The following DLG2 variants were observed in gnomAD, a reference collection of about 807,000 sequenced individuals.
DLG2 encodes discs large MAGUK scaffold protein 2, also known as disks large homolog 2.
A neutral mutation model predicts 132.5 loss-of-function variants in DLG2; 45 were observed. The observed-to-expected ratio is 0.34, with a 90% CI of 0.27 to 0.44. The LOEUF (loss-of-function observed/expected upper bound fraction) is 0.44. Ranked by LOEUF, DLG2 falls within the 20% of genes least tolerant of loss-of-function variation. DLG2 has a pLI of 1.00. For synonymous variants in DLG2, 424 were observed against 419.6 expected (o/e 1.01, Z -0.13); for missense variants, 1,045 against 1,196.9 (o/e 0.87, Z 1.87).
chr11:83,548,606 G>A (rs1361074350), intron 19 of DLG2, among the ~76,000 whole-genome samples: 1 of 152,118 alleles, frequency 6.6e-6, no homozygotes, highest in African/African-American at 2.4e-5. Flanking sequence ...TTATTGGCCA[G>A]GTTGTGTGCA....
intron 6 of DLG2, among the ~76,000 whole-genome samples, chr11:84,998,990 T>TA (rs2057959502): frequency 6.6e-6 from 1 of 150,454 alleles, no homozygotes; most frequent in Non-Finnish European, 1.5e-5. Flanking sequence ...TATATATATA[T>TA]TTTATTTCTA....
chr11:84,701,527 G>A (rs944769355), intron 6 of DLG2, among the ~76,000 whole-genome samples: 1 of 151,516 alleles, frequency 6.6e-6, no homozygotes, highest in Non-Finnish European at 1.5e-5. Flanking sequence ...TACTTCTTGT[G>A]GGACATGTGT....
chr11:83,610,239 T>C (rs893989486), intron 19 of DLG2, among the ~76,000 whole-genome samples: 20 of 152,270 alleles, frequency 1.3e-4, no homozygotes, highest in Admixed American at 4.6e-4. Flanking sequence ...AGTTTACCTC[T>C]TCCTATCTAT....
At chr11:84,640,008 A>C (rs2099653818) in intron 6 of DLG2, 1 of 258,866 alleles carries the variant, frequency 3.9e-6, no homozygotes, top group Non-Finnish European at 7.3e-6. Context: ...GACTATTCTC[A>C]GCAATCAGAC....
At chr11:84,160,427 C>T (rs1170734121) in intron 9 of DLG2, among the ~76,000 whole-genome samples, 1 of 152,008 alleles carries the variant, frequency 6.6e-6, no homozygotes, top group East Asian at 1.9e-4. Flanking sequence ...CAAGATGGAA[C>T]CAGTAATGAC....
chr11:84,563,578 C>T lies in DLG2; in HGVS notation c.358-28847G>A, dbSNP rs529043919. Among the ~76,000 whole-genome samples the T allele has an allele frequency of 7.9e-5, 12 of 152,304 alleles. No individual in the cohort carries two copies. In the East Asian group the frequency reaches 2.1e-3, roughly 27 times the overall value. ...CAGAGCACAGGGCAAAATGGCACAG[C>T]TGCCAGGTGAGGTTCAGATGCTGTC... On this transcript the variant is annotated intron_variant, in intron 6 of 27. Transcript: ENST00000376104.
intron 18 of DLG2, among the ~76,000 whole-genome samples, chr11:83,768,873 T>C (rs887972676): frequency 5.3e-5 from 8 of 152,204 alleles, no homozygotes; most frequent in African/African-American, 1.9e-4. Flanking sequence ...CTCTTGGAGA[T>C]ATGGTGTTTC....
intron 3 of DLG2, among the ~76,000 whole-genome samples, chr11:85,597,166 G>T (rs937086060): frequency 6.6e-6 from 1 of 152,108 alleles, no homozygotes; most frequent in Non-Finnish European, 1.5e-5. Flanking sequence ...CTGGGTAATG[G>T]TGTTACATTA....
intron 3 of DLG2, among the ~76,000 whole-genome samples, chr11:85,344,094 C>G (rs186774934): frequency 4.7e-4 from 71 of 152,248 alleles, no homozygotes; most frequent in African/African-American, 1.7e-3. Flanking sequence ...AGTTCTCCCC[C>G]CATTGTGTGT....
At chr11:84,031,039 G>A (rs990611143) in intron 11 of DLG2, among the ~76,000 whole-genome samples, 70 of 152,108 alleles carry the variant, frequency 4.6e-4, no homozygotes, top group Non-Finnish European at 8.7e-4. Flanking sequence ...AGTTCTATCC[G>A]GAAAACCATA....
At chr11:84,904,980 G>C (rs1040510607) in intron 6 of DLG2, among the ~76,000 whole-genome samples, 1 of 152,224 alleles carries the variant, frequency 6.6e-6, no homozygotes, top group East Asian at 1.9e-4. Context: ...CTAGAGTGCA[G>C]TGGTGCTATC....
chr11:84,133,774 C>T (rs2094505813), intron 9 of DLG2, among the ~76,000 whole-genome samples: 1 of 151,916 alleles, frequency 6.6e-6, no homozygotes. Context: ...CACCCCTATG[C>T]CCAGGTAAAA....
intron 8 of DLG2, among the ~76,000 whole-genome samples, chr11:84,219,041 G>T (rs527815282): frequency 1.1e-4 from 16 of 152,246 alleles, no homozygotes; most frequent in Non-Finnish European, 2.1e-4. Flanking sequence ...CCATACTTCA[G>T]GGAAAACACA....
intron 7 of DLG2, among the ~76,000 whole-genome samples, chr11:84,496,124 A>G (rs2099182908): frequency 6.6e-6 from 1 of 152,162 alleles, no homozygotes; most frequent in African/African-American, 2.4e-5. Flanking sequence ...ATCATAGGCA[A>G]TAAGTTCACT....
chr11:84,504,163 C>A (rs1173433224), intron 7 of DLG2, among the ~76,000 whole-genome samples: 1 of 152,098 alleles, frequency 6.6e-6, no homozygotes, highest in Non-Finnish European at 1.5e-5. Flanking sequence ...AATTTTACAC[C>A]TAAGAAAACT....
chr11:84,865,405 T>C (rs986717352), intron 6 of DLG2, among the ~76,000 whole-genome samples: 5 of 152,236 alleles, frequency 3.3e-5, no homozygotes, highest in Admixed American at 2.6e-4. Context: ...TATTTCATTA[T>C]ACCTCACATT....
intron 3 of DLG2, among the ~76,000 whole-genome samples, chr11:85,581,364 G>T (rs528716686): frequency 6.6e-6 from 1 of 151,830 alleles, no homozygotes; most frequent in East Asian, 1.9e-4. Context: ...TGTAATCCTC[G>T]CACTTTCAGA....
intron 8 of DLG2, among the ~76,000 whole-genome samples, chr11:84,174,014 CTTTTTT>C (rs11338428): frequency 1.8e-4 from 11 of 61,202 alleles, no homozygotes; most frequent in Admixed American, 5.3e-4. Flanking sequence ...ACCCCCCGGC[CTTTTTT>C]TTTTTTTTTT....
At chr11:84,941,463 T>C (rs2049407824) in intron 6 of DLG2, among the ~76,000 whole-genome samples, 3 of 152,172 alleles carry the variant, frequency 2.0e-5, no homozygotes. Context: ...CAAATCTTTT[T>C]TCAGCATCAA....
Sources: gnomAD v4.1 joint callset for allele counts (sites outside exome capture counted in the v4.1 genomes callset) on GRCh38, gnomAD v4.1.1 for gene constraint, MANE v1.5 for transcripts, NCBI Gene and HGNC (gene_info 2026-07-23, HGNC 2026-07-21) for gene names.